LPP: variants seen among roughly 807,000 people sequenced by gnomAD.
The protein encoded by LPP is lipoma-preferred partner.
In LPP, 38 loss-of-function variants were observed where a neutral mutation model predicts 60.4. The ratio of observed to expected loss-of-function variants is 0.63; its 90% confidence interval spans 0.49 to 0.83. The LOEUF is 0.83. Ranked by LOEUF, LPP falls within the 40% of genes least tolerant of loss-of-function variation. The pLI is 0.00. For missense variants in LPP, 902 were observed against 783.6 expected (o/e 1.15, Z -1.80); for synonymous variants, 328 against 290.8 (o/e 1.13, Z -1.30).
intron 9 of LPP, among the ~76,000 whole-genome samples, chr3:188,767,720 G>A (rs1266988257): frequency 6.6e-6 from 1 of 152,102 alleles, no homozygotes; most frequent in Non-Finnish European, 1.5e-5. Context: ...TTGGGTTAAG[G>A]AATCTTAGAA....
intron 4 of LPP, among the ~76,000 whole-genome samples, chr3:188,478,242 G>C (rs192825999): frequency 4.8e-3 from 734 of 152,268 alleles, no homozygotes; most frequent in Non-Finnish European, 7.0e-3. Context: ...GCATTGTCAT[G>C]TATAATGTAG....
intron 2 of LPP, among the ~76,000 whole-genome samples, chr3:188,262,725 C>G (rs1489022939): frequency 2.0e-5 from 3 of 151,770 alleles, no homozygotes; most frequent in Non-Finnish European, 4.4e-5. Flanking sequence ...GTCTTTCTCT[C>G]TCTGTCTCAC....
intron 5 of LPP, among the ~76,000 whole-genome samples, chr3:188,512,810 G>A (rs945530927): frequency 6.6e-6 from 1 of 152,072 alleles, no homozygotes; most frequent in Non-Finnish European, 1.5e-5. Flanking sequence ...TTTGAATTTT[G>A]GGGAATGTGA....
intron 3 of LPP, among the ~76,000 whole-genome samples, chr3:188,383,355 A>G (rs1383364945): frequency 2.0e-5 from 3 of 152,160 alleles, no homozygotes; most frequent in Non-Finnish European, 4.4e-5. Context: ...GTCATGTTGA[A>G]TGTAGACACT....
chr3:188,466,921 G>GC (rs1170886107), intron 4 of LPP, among the ~76,000 whole-genome samples: 7 of 58,560 alleles, frequency 1.2e-4, no homozygotes, highest in East Asian at 4.8e-4. Context: ...ACCTCCCCCC[G>GC]CCCCCCCGCC....
At chr3:188,826,530 G>A (rs970098366) in intron 9 of LPP, among the ~76,000 whole-genome samples, 3 of 152,084 alleles carry the variant, frequency 2.0e-5, no homozygotes, top group Non-Finnish European at 4.4e-5. Flanking sequence ...TGCTACTCTA[G>A]GCCATCCATG....
intron 5 of LPP, among the ~76,000 whole-genome samples, chr3:188,514,863 T>G (rs919651137): frequency 1.3e-5 from 2 of 152,208 alleles, no homozygotes; most frequent in Non-Finnish European, 2.9e-5. Flanking sequence ...CCCTTGGTTC[T>G]GTGGGCCTCA....
At chr3:188,737,495 C>A (rs939575952) in intron 8 of LPP, among the ~76,000 whole-genome samples, 3 of 152,168 alleles carry the variant, frequency 2.0e-5, no homozygotes, top group Admixed American at 6.6e-5. Flanking sequence ...CCATTGATCA[C>A]CCTTTTTTGT....
intron 6 of LPP, among the ~76,000 whole-genome samples, chr3:188,555,987 G>C (rs1042796773): frequency 1.3e-5 from 2 of 152,090 alleles, no homozygotes; most frequent in African/African-American, 4.8e-5. Context: ...ACTGAGGTAG[G>C]AGGAAATGCA....
rs752819117 is a variant in LPP, at chr3:188,609,656, G to A, written c.925G>A (p.Gly309Ser). The change falls in exon 7 of 12, where the codon GGC (glycine) becomes AGC (serine). Residue 309 changes from glycine to serine, a missense_variant. By Grantham distance (56) the Gly-to-Ser change is moderately conservative. Coordinates refer to ENST00000617246, the MANE Select transcript of LPP (RefSeq NM_001375462.1). This position sits in a 1 kb window ranked among gnomAD's most constrained non-coding sequence, Gnocchi z 6.9. ...GYYAAGPGYG[G>S]RNDSDPTYGQ... is the part of the protein sequence containing the mutation. ...CTATGCAGCAGGGCCAGGCTATGGG[G>A]GCAGAAATGACTCTGACCCTACCTA... The A allele has an allele frequency of 1.2e-5, 20 of 1,614,106 alleles. No homozygotes were observed. The highest frequency in any genetic ancestry group is 1.4e-5 in the Non-Finnish European group (16 of 1,180,004).
intron 1 of LPP, among the ~76,000 whole-genome samples, chr3:188,170,765 T>C (rs1721370057): frequency 6.6e-6 from 1 of 152,198 alleles, no homozygotes; most frequent in African/African-American, 2.4e-5. Context: ...GTGTCTTCAT[T>C]TTTCATTCTT....
intron 9 of LPP, among the ~76,000 whole-genome samples, chr3:188,769,936 T>A (rs149632795): frequency 3.6e-4 from 55 of 152,278 alleles, no homozygotes; most frequent in Non-Finnish European, 6.9e-4. Context: ...CTGCCCTAGT[T>A]TGTTTAAGTC....
intron 2 of LPP, among the ~76,000 whole-genome samples, chr3:188,246,544 T>G (rs1459375128): frequency 6.6e-6 from 1 of 152,212 alleles, no homozygotes; most frequent in African/African-American, 2.4e-5. Flanking sequence ...TGAATTTAAA[T>G]AGTCTAAATA....
intron 7 of LPP, among the ~76,000 whole-genome samples, chr3:188,651,802 A>G (rs987083519): frequency 7.9e-5 from 12 of 152,128 alleles, no homozygotes; most frequent in South Asian, 4.1e-4. Context: ...CCCACAACAC[A>G]TGGGAATTAA....
chr3:188,159,637 C>T (rs1175872645), intron 1 of LPP, among the ~76,000 whole-genome samples: 1 of 152,198 alleles, frequency 6.6e-6, no homozygotes, highest in East Asian at 1.9e-4. Flanking sequence ...AAATAGTTCA[C>T]TGCAGCCACA....
Position 188,707,077 on chromosome 3 carries a change from G to C in LPP, c.1114-1190G>C, listed in dbSNP as rs77128889. 4.9e-3 allele frequency among the ~76,000 whole-genome samples: 743 copies of C among 151,886 alleles called. 3 individuals carry two copies. Among genetic ancestry groups the C allele is most frequent in the Non-Finnish European group, 8.7e-3 (592 of 67,954 alleles). On this transcript the variant is annotated intron_variant, in intron 7 of 11. Transcript: ENST00000617246. ...TTTTACATACTTTTTATTCTTCATT[G>C]ATGATCTCAAGTACTCTCTCAATTG...
intron 2 of LPP, among the ~76,000 whole-genome samples, chr3:188,338,920 A>T (rs1255082957): frequency 6.6e-6 from 1 of 152,162 alleles, no homozygotes; most frequent in Non-Finnish European, 1.5e-5. Context: ...TGAAAAACCC[A>T]TTGCAGCTGA....
intron 9 of LPP, among the ~76,000 whole-genome samples, chr3:188,770,534 G>A (rs753520396): frequency 5.9e-5 from 9 of 151,960 alleles, no homozygotes; most frequent in Admixed American, 2.6e-4. Context: ...CAGCTGTAGC[G>A]TGGACTCCAT....
intron 4 of LPP, among the ~76,000 whole-genome samples, chr3:188,434,531 C>A (rs542623049): frequency 6.6e-6 from 1 of 152,140 alleles, no homozygotes; most frequent in African/African-American, 2.4e-5. Context: ...GGTGAAGAGT[C>A]TTTGGCCAGC....
Sources: gnomAD v4.1 joint callset for allele counts (sites outside exome capture counted in the v4.1 genomes callset) on GRCh38, gnomAD v4.1.1 for gene constraint, Gnocchi (gnomAD v3.1) non-coding constraint, MANE v1.5 for transcripts, NCBI Gene and HGNC (gene_info 2026-07-23, HGNC 2026-07-21) for gene names.